The following CUBN variants were observed in gnomAD, a reference collection of about 807,000 sequenced individuals.
CUBN encodes cubilin.
CUBN carries 282 observed loss-of-function variants against 405.3 expected under a neutral mutation model. The ratio of observed to expected loss-of-function variants is 0.70; its 90% CI spans 0.63 to 0.77. CUBN has a LOEUF of 0.77. Ranked by LOEUF, CUBN falls within the 30% of genes least tolerant of loss-of-function variation. The probability of loss-of-function intolerance (pLI) is 0.00; values close to 1 mark genes in which losing one functional copy is unlikely to be tolerated. For missense variants in CUBN, 4,514 were observed against 4,475.2 expected, an observed-to-expected ratio of 1.01 and a Z score of -0.25; for synonymous variants, 1,684 against 1,617.0, an observed-to-expected ratio of 1.04 and a Z score of -0.99.
chr10:17,120,234 C>T (rs1441906894), intron 6 of CUBN, among the ~76,000 whole-genome samples: 1 of 152,252 alleles, frequency 6.6e-6, no homozygotes, highest in Non-Finnish European at 1.5e-5. Context: ...TGTTTCATTA[C>T]ACGTGGATTC....
chr10:16,919,510 A>C (rs565991596), intron 44 of CUBN, among the ~76,000 whole-genome samples: 171 of 152,318 alleles, frequency 1.1e-3, no homozygotes, highest in African/African-American at 3.9e-3. Context: ...TTATTAAATA[A>C]AGACTGAGAA....
At chr10:17,040,401 C>T (rs569547017) in intron 27 of CUBN, among the ~76,000 whole-genome samples, 114 of 151,998 alleles carry the variant, frequency 7.5e-4, no homozygotes, top group Non-Finnish European at 1.1e-3. Context: ...AATTTGTAGC[C>T]CTAAAAGTTA....
At chr10:16,946,552 G>A (rs1842789208) in intron 36 of CUBN, among the ~76,000 whole-genome samples, 1 of 143,220 alleles carries the variant, frequency 7.0e-6, no homozygotes, top group African/African-American at 2.6e-5. Context: ...CTGGAGTGCA[G>A]TGGCTCAATC....
chr10:16,899,047 G>T lies in CUBN; in HGVS notation c.8547C>A (p.Asn2849Lys), dbSNP rs1281891765. ...KSKHLEISFDNNFLIPSGDGQ... is the reference protein window; with the variant it reads ...KSKHLEISFDKNFLIPSGDGQ... ...CATCACCGCTGGGGATTAGGAAGTT[G>T]TTGTCAAAGCTGATCTCCAAGTGTT... Residue 2849 changes from asparagine (N) to lysine (K), a missense_variant, in exon 54 of 67, where the codon AAC becomes AAA. This residue lies in a region of CUBN where 1,186 missense variants were observed against 1,186.9 expected (regional missense o/e 1.00). Coordinates refer to ENST00000377833, the MANE Select transcript of CUBN (RefSeq NM_001081.4). The T allele has an allele frequency of 1.2e-6, 2 of 1,613,618 alleles. No homozygotes were observed. The highest frequency in any genetic ancestry group is 1.7e-6 in the Non-Finnish European group (2 of 1,179,506).
chr10:17,030,844 G>C (rs948841576), intron 27 of CUBN, among the ~76,000 whole-genome samples: 1 of 152,008 alleles, frequency 6.6e-6, no homozygotes, highest in East Asian at 1.9e-4. Context: ...ATTGGAACCC[G>C]GGAGGCACAG....
intron 36 of CUBN, among the ~76,000 whole-genome samples, chr10:16,942,784 A>AAAGGGAAGGG (rs144169849): frequency 5.7e-5 from 8 of 140,032 alleles, no homozygotes; most frequent in South Asian, 2.4e-4. Flanking sequence ...GGTAAAGGAA[A>AAAGGGAAGGG]AAGGGAAGGG....
intron 27 of CUBN, among the ~76,000 whole-genome samples, chr10:17,037,938 T>A (rs935035982): frequency 9.6e-6 from 1 of 104,146 alleles, no homozygotes; most frequent in African/African-American, 3.0e-5. Context: ...CATGACACAG[T>A]CACCTTTTTT....
chr10:16,977,762 A>G (rs533213806), intron 31 of CUBN, among the ~76,000 whole-genome samples: 137 of 152,234 alleles, frequency 9.0e-4, no homozygotes, highest in African/African-American at 3.1e-3. Flanking sequence ...CCTAGATGCT[A>G]CCATGGGGCC....
intron 31 of CUBN, among the ~76,000 whole-genome samples, chr10:16,963,224 T>G (rs1843289420): frequency 8.4e-6 from 1 of 118,362 alleles, no homozygotes; most frequent in African/African-American, 3.2e-5. Flanking sequence ...AGACAGAGTC[T>G]CACTCTGTCA....
intron 14 of CUBN, among the ~76,000 whole-genome samples, chr10:17,097,581 A>G (rs145938628): frequency 1.5e-3 from 226 of 152,332 alleles, no homozygotes; most frequent in African/African-American, 5.3e-3. Flanking sequence ...CAAAATTACA[A>G]AAGAATATCA....
rs879728457 is a variant in CUBN at position 16,948,713 on chromosome 10, A to G, written c.5081-107T>C. The G allele has an allele frequency of 0.011, 16,428 of 1,435,100 alleles. 134 individuals carry two copies. Among genetic ancestry groups the G allele is most frequent in the Non-Finnish European group, 0.014 (14,541 of 1,042,972 alleles). 88.9% of individuals were successfully genotyped at this position (1,435,100 alleles called of 1,614,324 possible). A position where few individuals can be genotyped will look rare whatever the true frequency, so the allele number is the denominator to read the frequency against. On this transcript the variant is annotated intron_variant, in intron 34 of 66. Coordinates refer to ENST00000377833, the MANE Select transcript of CUBN (RefSeq NM_001081.4). ...AATTACAAGAGACCAAAACAAAGTG[A>G]AGAAATTGCCACTAGGAGAACCACT...
At chr10:16,898,066 G>GTGTATATATATATA (rs1554789718) in intron 54 of CUBN, among the ~76,000 whole-genome samples, 2 of 145,028 alleles carry the variant, frequency 1.4e-5, no homozygotes, top group African/African-American at 5.1e-5. Flanking sequence ...TTTATTATAT[G>GTGTATATATATATA]TATATATATA....
At chr10:17,045,211 G>A in intron 24 of CUBN, 23 bp from the exon 25 acceptor site, 1 of 1,610,440 alleles carries the variant, frequency 6.2e-7, no homozygotes, top group Non-Finnish European at 8.5e-7. Flanking sequence ...GAAGTGGAAT[G>A]ACACACACCC....
chr10:16,998,250 T>A (rs975542990), intron 28 of CUBN, among the ~76,000 whole-genome samples: 1 of 151,944 alleles, frequency 6.6e-6, no homozygotes, highest in African/African-American at 2.4e-5. Context: ...CAAGTTAAAA[T>A]GAGATCATAC....
At chr10:16,924,420 C>A (rs1046150897) in intron 43 of CUBN, among the ~76,000 whole-genome samples, 2 of 152,122 alleles carry the variant, frequency 1.3e-5, no homozygotes, top group African/African-American at 4.8e-5. Context: ...TTGGTGAAGA[C>A]TCTTATTCAT....
At chr10:16,967,630 C>T (rs1432539807) in intron 31 of CUBN, among the ~76,000 whole-genome samples, 2 of 151,158 alleles carry the variant, frequency 1.3e-5, no homozygotes, top group Non-Finnish European at 2.9e-5. Context: ...CAGATGGAAA[C>T]AAAAATTCCT....
intron 48 of CUBN, among the ~76,000 whole-genome samples, chr10:16,912,996 G>T (rs1405275117): frequency 6.6e-6 from 1 of 152,128 alleles, no homozygotes; most frequent in African/African-American, 2.4e-5. Context: ...GAACGGTGGG[G>T]GTATTAGTAG....
chr10:16,939,940 A>G (rs533237430), intron 37 of CUBN, 92 bp downstream of exon 37: 1 of 1,087,634 alleles, frequency 9.2e-7, no homozygotes, highest in Non-Finnish European at 1.4e-6. Flanking sequence ...AGAGTTTAGG[A>G]TTGTTCTTGC....
intron 41 of CUBN, among the ~76,000 whole-genome samples, chr10:16,926,220 T>C: frequency 6.6e-6 from 1 of 152,230 alleles, no homozygotes; most frequent in South Asian, 2.1e-4. Context: ...GCCAGATAGT[T>C]ATGGGGGAGA....
Sources: gnomAD v4.1 joint callset for allele counts (sites outside exome capture counted in the v4.1 genomes callset) on GRCh38, gnomAD v4.1.1 for gene constraint, gnomAD v4.1.1 regional missense constraint, MANE v1.5 for transcripts, NCBI Gene and HGNC (gene_info 2026-07-23, HGNC 2026-07-21) for gene names.